The following DOCK3 variants were observed in gnomAD, a reference collection of about 807,000 sequenced individuals.
DOCK3 encodes dedicator of cytokinesis protein 3.
A neutral mutation model predicts 265.6 loss-of-function variants in DOCK3; 60 were observed. The observed-to-expected ratio is 0.23, with a 90% confidence interval of 0.18 to 0.28. The LOEUF (loss-of-function observed/expected upper bound fraction) is 0.28, where lower values mean the gene tolerates loss of function less well. Among genes scored for constraint, DOCK3 ranks in the 10% least tolerant of loss-of-function variants. The probability of loss-of-function intolerance (pLI) is 1.00; values close to 1 mark genes in which losing one functional copy is unlikely to be tolerated. For missense variants in DOCK3, 1,981 were observed against 2,594.3 expected, an observed-to-expected ratio of 0.76 and a Z score of 5.14; for synonymous variants, 881 against 938.0, an observed-to-expected ratio of 0.94 and a Z score of 1.11.
intron 26 of DOCK3, chr3:51,278,164 T>A: frequency 3.0e-6 from 3 of 985,444 alleles, no homozygotes; most frequent in Non-Finnish European, 3.6e-6. Context: ...CAGAATTGGC[T>A]TCTATCTACA....
chr3:50,696,378 A>C (rs1022967398), intron 1 of DOCK3, among the ~76,000 whole-genome samples: 1 of 152,232 alleles, frequency 6.6e-6, no homozygotes, highest in African/African-American at 2.4e-5. Flanking sequence ...CAGTAAGGAG[A>C]TAAGACTACC....
intron 5 of DOCK3, 31 bp from the exon 6 acceptor site, chr3:51,064,417 A>G (rs1348449324): frequency 5.6e-6 from 9 of 1,611,914 alleles, no homozygotes; most frequent in Non-Finnish European, 7.6e-6. Flanking sequence ...TGTCTCTTGT[A>G]TTTCACCCAA....
At chr3:50,720,948 A>G (rs547841564) in intron 1 of DOCK3, among the ~76,000 whole-genome samples, 1 of 151,870 alleles carries the variant, frequency 6.6e-6, no homozygotes, top group Non-Finnish European at 1.5e-5. Flanking sequence ...TTCTCTAGTG[A>G]TCAGTGATAT....
chr3:51,215,257 AT>A (rs1243043232), intron 14 of DOCK3, among the ~76,000 whole-genome samples: 1 of 152,034 alleles, frequency 6.6e-6, no homozygotes, highest in East Asian at 1.9e-4. Context: ...ACACGTGTAC[AT>A]CACCACACCT....
intron 1 of DOCK3, among the ~76,000 whole-genome samples, chr3:50,684,333 A>G (rs2034630517): frequency 2.0e-5 from 3 of 152,194 alleles, no homozygotes; most frequent in African/African-American, 7.2e-5. Flanking sequence ...ATGGTGAGTG[A>G]CTGGTGAATG....
At chr3:50,911,952 CT>C (rs1371547750) in intron 4 of DOCK3, among the ~76,000 whole-genome samples, 2 of 151,808 alleles carry the variant, frequency 1.3e-5, no homozygotes, top group Non-Finnish European at 2.9e-5. Context: ...CATGGGCTTG[CT>C]TTTTGGTTTC....
At chr3:51,345,514 C>T (rs527449489) in intron 38 of DOCK3, among the ~76,000 whole-genome samples, 46 of 152,220 alleles carry the variant, frequency 3.0e-4, no homozygotes, top group Non-Finnish European at 2.8e-4. Context: ...CCTAGCTACT[C>T]GGGAGGTTGA....
At chr3:50,999,563 C>T (rs930986859) in intron 5 of DOCK3, among the ~76,000 whole-genome samples, 18 of 152,176 alleles carry the variant, frequency 1.2e-4, no homozygotes, top group Non-Finnish European at 2.4e-4. Flanking sequence ...ATATTCTCTT[C>T]GTACTGATGA....
intron 1 of DOCK3, among the ~76,000 whole-genome samples, chr3:50,716,536 A>C (rs1001744981): frequency 1.3e-5 from 2 of 151,578 alleles, no homozygotes; most frequent in Non-Finnish European, 2.9e-5. Flanking sequence ...TCAAAAAAAA[A>C]CTTAAAAGTA....
At chr3:50,815,071 C>T (rs1353925434) in intron 2 of DOCK3, among the ~76,000 whole-genome samples, 1 of 152,146 alleles carries the variant, frequency 6.6e-6, no homozygotes, top group Non-Finnish European at 1.5e-5. Context: ...GATCTGCCTT[C>T]CTTGGCCTCC....
chr3:51,352,173 G>A (rs1397282324), intron 40 of DOCK3, among the ~76,000 whole-genome samples: 3 of 152,196 alleles, frequency 2.0e-5, no homozygotes, highest in African/African-American at 7.2e-5. Context: ...ACAAACTAAT[G>A]ATTCTGGTCT....
chr3:51,104,347 A>G (rs1048567702), intron 9 of DOCK3, among the ~76,000 whole-genome samples: 1 of 152,198 alleles, frequency 6.6e-6, no homozygotes, highest in African/African-American at 2.4e-5. Context: ...TTTGAAGGCT[A>G]TTGTAAATGC....
chr3:51,161,934 C>T (rs772860855), intron 12 of DOCK3, among the ~76,000 whole-genome samples: 4 of 152,238 alleles, frequency 2.6e-5, no homozygotes, highest in South Asian at 4.1e-4. Context: ...GATAAGCAGT[C>T]CATCTCCTTC....
intron 23 of DOCK3, among the ~76,000 whole-genome samples, chr3:51,264,978 G>T (rs1178388022): frequency 6.6e-6 from 1 of 151,968 alleles, no homozygotes; most frequent in Non-Finnish European, 1.5e-5. Flanking sequence ...AGAAAAGAGA[G>T]AAGAATCAAA....
intron 1 of DOCK3, among the ~76,000 whole-genome samples, chr3:50,681,446 A>AT (rs1253816127): frequency 6.6e-6 from 1 of 152,194 alleles, no homozygotes; most frequent in East Asian, 1.9e-4. Context: ...CTATATTAGG[A>AT]TTTTAATTCC....
intron 5 of DOCK3, among the ~76,000 whole-genome samples, chr3:51,048,312 A>C (rs2080853680): frequency 6.6e-6 from 1 of 152,194 alleles, no homozygotes; most frequent in Non-Finnish European, 1.5e-5. Flanking sequence ...TTTTCTTCTA[A>C]GATTAGGAAT....
intron 21 of DOCK3, among the ~76,000 whole-genome samples, chr3:51,239,330 C>A (rs1334765677): frequency 6.6e-6 from 1 of 151,996 alleles, no homozygotes; most frequent in Non-Finnish European, 1.5e-5. Flanking sequence ...CTGCCTCAGC[C>A]TCCTGAGTAG....
chr3:51,238,422 G>T (rs1297025861), intron 21 of DOCK3, among the ~76,000 whole-genome samples: 1 of 151,982 alleles, frequency 6.6e-6, no homozygotes, highest in African/African-American at 2.4e-5. Context: ...GATTACAGGC[G>T]TGAGCCACCG....
chr3:51,277,799 G>A (rs1229965024), intron 26 of DOCK3, 45 bp downstream of exon 26: 20 of 1,577,652 alleles, frequency 1.3e-5, no homozygotes, highest in East Asian at 6.9e-5. Flanking sequence ...TTTCTAACCC[G>A]GGGCTTCTCC....
Sources: gnomAD v4.1 joint callset for allele counts (sites outside exome capture counted in the v4.1 genomes callset) on GRCh38, gnomAD v4.1.1 for gene constraint, MANE v1.5 for transcripts, NCBI Gene and HGNC (gene_info 2026-07-23, HGNC 2026-07-21) for gene names.